SCLT1: variants seen among roughly 807,000 people sequenced by gnomAD.
SCLT1 encodes the protein sodium channel-associated protein 1.
A neutral mutation model predicts 112.8 loss-of-function variants in SCLT1; 78 were observed. That is an observed-to-expected ratio of 0.69 (90% CI 0.58 to 0.83). The LOEUF (loss-of-function observed/expected upper bound fraction) is 0.83, where lower values mean the gene tolerates loss of function less well. SCLT1 is among the 40% of genes least tolerant of loss of function. The pLI is 0.00. For synonymous variants in SCLT1, 257 were observed against 254.7 expected (o/e 1.01, Z -0.09); for missense variants, 747 against 770.4 (o/e 0.97, Z 0.36).
At chr4:128,936,058 CTA>C (rs1737152405) in intron 18 of SCLT1, among the ~76,000 whole-genome samples, 1 of 152,120 alleles carries the variant, frequency 6.6e-6, no homozygotes, top group East Asian at 1.9e-4. Context: ...TATACTTGGA[CTA>C]TCATAGTACT....
intron 14 of SCLT1, among the ~76,000 whole-genome samples, chr4:128,949,868 G>A (rs1274769961): frequency 7.1e-6 from 1 of 141,758 alleles, no homozygotes; most frequent in Non-Finnish European, 1.5e-5. Flanking sequence ...TCCCCTAATT[G>A]TGAATCATGC....
intron 5 of SCLT1, among the ~76,000 whole-genome samples, chr4:129,008,373 C>T (rs1744216309): frequency 6.6e-6 from 1 of 152,160 alleles, no homozygotes; most frequent in African/African-American, 2.4e-5. Flanking sequence ...ATTTCTATCA[C>T]ATCTGTTGAA....
intron 2 of SCLT1, among the ~76,000 whole-genome samples, chr4:129,047,294 G>A (rs1157954749): frequency 1.3e-5 from 2 of 152,024 alleles, no homozygotes; most frequent in Non-Finnish European, 2.9e-5. Context: ...AGTAGTTTGG[G>A]TAGAGATCAA....
At chr4:129,079,587 G>A (rs935122720) in intron 2 of SCLT1, among the ~76,000 whole-genome samples, 1 of 152,178 alleles carries the variant, frequency 6.6e-6, no homozygotes, top group Admixed American at 6.5e-5. Context: ...GCTCTGCAGG[G>A]TACATTCCCT....
intron 18 of SCLT1, among the ~76,000 whole-genome samples, chr4:128,930,705 C>T (rs565234474): frequency 8.6e-5 from 13 of 151,996 alleles, no homozygotes; most frequent in East Asian, 3.9e-4. Context: ...TGAAGAAAGA[C>T]GGTTAAAGAA....
At chr4:128,965,350 G>A (rs1740085345) in intron 10 of SCLT1, 32 bp from the exon 11 acceptor site, 1 of 1,397,024 alleles carries the variant, frequency 7.2e-7, no homozygotes, top group Admixed American at 1.7e-5. Context: ...AGCTTACTTT[G>A]AGTATGTGAA....
At chr4:129,072,033 T>C (rs999277727) in intron 2 of SCLT1, among the ~76,000 whole-genome samples, 2 of 152,156 alleles carry the variant, frequency 1.3e-5, no homozygotes, top group Non-Finnish European at 2.9e-5. Flanking sequence ...TTGCTCAGCA[T>C]TTGTTTGCCT....
In SCLT1 at chr4:129,070,775, A is replaced by T. The variant is rs111251734; in HGVS notation, c.102+11531T>A. ...TTGCTTGTTTGTTTCAATTTCACTT[A>T]ATTCTGCTCTAATCTTGGTTATTTC... On this transcript the variant is annotated intron_variant, in intron 2 of 20. Coordinates refer to ENST00000281142, the MANE Select transcript of SCLT1 (RefSeq NM_144643.4). Among the ~76,000 whole-genome samples, 41 of 151,980 alleles carry T rather than the reference A, an allele frequency of 2.7e-4. 1 individual carries two copies. The highest frequency in any genetic ancestry group is 9.4e-4 in the African/African-American group (39 of 41,462).
intron 8 of SCLT1, 66 bp downstream of exon 8, chr4:128,997,808 A>G: frequency 1.3e-6 from 1 of 753,524 alleles, no homozygotes; most frequent in Non-Finnish European, 2.1e-6. Context: ...GTTGATTTAT[A>G]TTAACATAAA....
intron 5 of SCLT1, among the ~76,000 whole-genome samples, chr4:129,020,283 T>C (rs1745350007): frequency 6.6e-6 from 1 of 152,132 alleles, no homozygotes; most frequent in South Asian, 2.1e-4. Flanking sequence ...ATAAATACAC[T>C]CTTATATATA....
chr4:129,003,987 T>C (rs1743769908), intron 5 of SCLT1, 111 bp from the exon 6 acceptor site: 1 of 920,102 alleles, frequency 1.1e-6, no homozygotes, highest in South Asian at 1.5e-5. Context: ...AACAAAATCA[T>C]TTTTAAGTAG....
chr4:128,988,819 C>A (rs1579610855), intron 9 of SCLT1, among the ~76,000 whole-genome samples: 2 of 151,812 alleles, frequency 1.3e-5, no homozygotes, highest in South Asian at 4.2e-4. Context: ...CCCAAAAGAG[C>A]AAGAGTAGCT....
intron 20 of SCLT1, among the ~76,000 whole-genome samples, chr4:128,888,119 A>G (rs1307647796): frequency 6.6e-6 from 1 of 152,196 alleles, no homozygotes; most frequent in Non-Finnish European, 1.5e-5. Context: ...GGATGATTTC[A>G]ATTTTAAATT....
rs1188214923 is a variant in SCLT1, at chr4:129,079,193, T to A, written c.102+3113A>T. ...CCCTCGGCCCTTCCCAAATCTCATA[T>A]CCTCACACTGGAAAATACAATCGTC... is the stretch of plus-strand genomic sequence containing the variant. On this transcript the variant is annotated intron_variant, in intron 2 of 20. Coordinates refer to ENST00000281142, the MANE Select transcript of SCLT1 (RefSeq NM_144643.4). Among the ~76,000 whole-genome samples, 7 of 152,098 alleles carry A rather than the reference T, an allele frequency of 4.6e-5. 1 individual carries two copies. Among genetic ancestry groups the A allele is most frequent in the Non-Finnish European group, 1.0e-4 (7 of 68,014 alleles).
chr4:128,965,452 C>A, intron 10 of SCLT1, 134 bp from the exon 11 acceptor site: 1 of 640,474 alleles, frequency 1.6e-6, no homozygotes, highest in East Asian at 2.9e-5. Context: ...TTAAAAGAAA[C>A]AATATGACTT....
chr4:128,947,836 A>C (rs1738311389), intron 15 of SCLT1, among the ~76,000 whole-genome samples: 1 of 152,212 alleles, frequency 6.6e-6, no homozygotes, highest in Non-Finnish European at 1.5e-5. Flanking sequence ...AATCATAGCA[A>C]TGCTATAATT....
intron 2 of SCLT1, among the ~76,000 whole-genome samples, chr4:129,066,119 CTT>C (rs1458386153): frequency 6.6e-6 from 1 of 151,830 alleles, no homozygotes; most frequent in Non-Finnish European, 1.5e-5. Flanking sequence ...TGAGGAACTT[CTT>C]AAGACACAGT....
chr4:129,058,687 T>C (rs775580135), intron 2 of SCLT1, among the ~76,000 whole-genome samples: 15 of 152,138 alleles, frequency 9.9e-5, no homozygotes, highest in Non-Finnish European at 2.1e-4. Context: ...TATTCTTCAG[T>C]TGTTGAATAA....
intron 5 of SCLT1, among the ~76,000 whole-genome samples, chr4:129,030,024 CA>C (rs1158244396): frequency 6.6e-6 from 1 of 152,154 alleles, no homozygotes; most frequent in Non-Finnish European, 1.5e-5. Flanking sequence ...CTCAGCACCA[CA>C]TACCATGTAT....
Sources: allele counts gnomAD v4.1 joint callset (sites outside exome capture counted in the v4.1 genomes callset), GRCh38; gene constraint gnomAD v4.1.1; transcripts MANE v1.5; gene names NCBI Gene and HGNC (gene_info 2026-07-23, HGNC 2026-07-21).